The following F13A1 variants were observed in gnomAD, a reference collection of about 807,000 sequenced individuals.
F13A1 encodes the protein FSF, A subunit.
In F13A1, 47 loss-of-function variants were observed where a neutral mutation model predicts 80.1. The observed-to-expected ratio is 0.59, with a 90% CI of 0.46 to 0.75. The LOEUF is 0.75. Among genes scored for constraint, F13A1 ranks in the 30% least tolerant of loss-of-function variants. The pLI, the probability that F13A1 is intolerant of heterozygous loss-of-function variation, is 0.00. For synonymous variants in F13A1, 349 were observed against 344.9 expected (o/e 1.01, Z -0.13); for missense variants, 817 against 930.4 (o/e 0.88, Z 1.59).
In F13A1 at chr6:6,312,563, A is replaced by C. The variant is rs1244364187; in HGVS notation, c.130+5972T>G. ...CGTGGTGGCACGTGCCTGTAGTCCC[A>C]GCTACTCGGGAGGCTGAGGCAGGAG... On this transcript the variant is annotated intron_variant, in intron 2 of 14. Coordinates refer to ENST00000264870, the MANE Select transcript of F13A1 (RefSeq NM_000129.4). Among the ~76,000 whole-genome samples the C allele has an allele frequency of 1.7e-5, 2 of 120,662 alleles. 1 individual carries two copies. Among genetic ancestry groups the C allele is most frequent in the Non-Finnish European group, 3.4e-5 (2 of 58,992 alleles). The allele number at this position is 120,662 out of a possible 152,430, so 79.2% of individuals were successfully genotyped here.
At position 6,197,241 on chromosome 6, in the gene F13A1, G is replaced by T; in HGVS notation, c.1198C>A (p.Pro400Thr). The stretch of plus-strand genomic sequence containing the variant: ...GTTTTACCATCGCTATTTTCCTGGG[G>T]GGTGCTGTCCACAGCTTGCCAGCCT... Reference protein sequence around the residue: ...FGGWQAVDSTPQENSDGMYRC... With the variant: ...FGGWQAVDSTTQENSDGMYRC... Residue 400 changes from proline to threonine, a missense_variant, in exon 9 of 15, where the codon CCC (proline) becomes ACC (threonine). Pro to Thr is a conservative substitution (Grantham distance 38, BLOSUM62 -1). Coordinates refer to ENST00000264870, the MANE Select transcript of F13A1 (RefSeq NM_000129.4). The T allele has an allele frequency of 6.2e-7, 1 of 1,614,146 alleles. No individual in the cohort carries two copies. The highest frequency in any genetic ancestry group is 8.5e-7 in the Non-Finnish European group (1 of 1,180,018).
intron 6 of F13A1, among the ~76,000 whole-genome samples, chr6:6,244,175 T>C (rs1038496387): frequency 6.6e-6 from 1 of 152,202 alleles, no homozygotes. Flanking sequence ...ATTAATGCCA[T>C]GTGAGGGAAG....
At chr6:6,274,174 T>C (rs1757957259) in intron 3 of F13A1, among the ~76,000 whole-genome samples, 1 of 152,202 alleles carries the variant, frequency 6.6e-6, no homozygotes, top group Admixed American at 6.5e-5. Context: ...TTGTTTAACT[T>C]TGTATACCCA....
intron 6 of F13A1, among the ~76,000 whole-genome samples, chr6:6,244,402 G>A (rs929386020): frequency 1.3e-5 from 2 of 151,890 alleles, no homozygotes; most frequent in African/African-American, 2.4e-5. Context: ...AGTATAGCTT[G>A]GTAAAATGCA....
At chr6:6,242,711 C>A (rs1015441702) in intron 6 of F13A1, among the ~76,000 whole-genome samples, 4 of 152,098 alleles carry the variant, frequency 2.6e-5, no homozygotes, top group African/African-American at 9.7e-5. Context: ...AGCAAATAAC[C>A]CTCTACTACA....
chr6:6,202,790 T>G (rs994841181), intron 8 of F13A1, among the ~76,000 whole-genome samples: 1 of 152,224 alleles, frequency 6.6e-6, no homozygotes, highest in Non-Finnish European at 1.5e-5. Context: ...GTGTGTTCCG[T>G]GCAGTGACAG....
At chr6:6,313,281 T>C (rs895322733) in intron 2 of F13A1, among the ~76,000 whole-genome samples, 2 of 11,098 alleles carry the variant, frequency 1.8e-4, no homozygotes, top group South Asian at 2.1e-3. Flanking sequence ...CTAAGCCGCC[T>C]TTTTTTTTTT....
At chr6:6,217,643 C>A (rs1294177331) in intron 8 of F13A1, among the ~76,000 whole-genome samples, 2 of 151,458 alleles carry the variant, frequency 1.3e-5, no homozygotes, top group African/African-American at 4.9e-5. Flanking sequence ...CTAACCTGCA[C>A]GTTGTGCACA....
intron 13 of F13A1, among the ~76,000 whole-genome samples, chr6:6,163,384 A>T (rs1408321056): frequency 5.3e-5 from 8 of 152,150 alleles, no homozygotes; most frequent in African/African-American, 1.9e-4. Flanking sequence ...GGTTTGTTAT[A>T]TAGGTAAACT....
intron 10 of F13A1, among the ~76,000 whole-genome samples, chr6:6,184,394 C>G (rs1002189083): frequency 6.6e-6 from 1 of 152,218 alleles, no homozygotes; most frequent in African/African-American, 2.4e-5. Context: ...TCCACACTTG[C>G]GGCTCAGATT....
chr6:6,171,548 C>G (rs1455189528), intron 12 of F13A1, among the ~76,000 whole-genome samples: 1 of 151,736 alleles, frequency 6.6e-6, no homozygotes, highest in Non-Finnish European at 1.5e-5. Context: ...TGCTATCAAC[C>G]CCTTTCAGTG....
intron 2 of F13A1, among the ~76,000 whole-genome samples, chr6:6,312,472 C>A (rs1758617344): frequency 1.3e-5 from 1 of 78,820 alleles, no homozygotes; most frequent in African/African-American, 6.4e-5. Context: ...GAGATGGAGA[C>A]CATCTTGGCC....
At chr6:6,223,766 T>C (rs981019393) in intron 7 of F13A1, among the ~76,000 whole-genome samples, 1 of 152,154 alleles carries the variant, frequency 6.6e-6, no homozygotes, top group African/African-American at 2.4e-5. Flanking sequence ...ATCATTTTTT[T>C]AAATGACCTC....
chr6:6,166,062 C>T (rs1331564430), intron 13 of F13A1, among the ~76,000 whole-genome samples: 5 of 152,222 alleles, frequency 3.3e-5, no homozygotes, highest in Admixed American at 1.3e-4. Context: ...ACCATAAGAA[C>T]GTTCAGTTGA....
intron 8 of F13A1, among the ~76,000 whole-genome samples, chr6:6,219,642 G>A (rs992295012): frequency 1.3e-5 from 2 of 152,128 alleles, no homozygotes; most frequent in African/African-American, 4.8e-5. Flanking sequence ...TCTGTCTGGG[G>A]ACAGCCCGCA....
chr6:6,174,437 G>A, intron 12 of F13A1, 143 bp downstream of exon 12: 1 of 879,886 alleles, frequency 1.1e-6, no homozygotes, highest in Non-Finnish European at 1.9e-6. Flanking sequence ...TGCAGAATGA[G>A]TGGGTTCTCC....
intron 14 of F13A1, among the ~76,000 whole-genome samples, chr6:6,149,449 T>A (rs1244519876): frequency 1.3e-5 from 2 of 152,206 alleles, no homozygotes; most frequent in African/African-American, 4.8e-5. Flanking sequence ...TCCAGTGTGA[T>A]ACCATTTAGC....
intron 8 of F13A1, among the ~76,000 whole-genome samples, chr6:6,216,588 A>G (rs1449689974): frequency 6.7e-6 from 1 of 149,890 alleles, no homozygotes; most frequent in Non-Finnish European, 1.5e-5. Flanking sequence ...AAGAAAACCT[A>G]GGCAATACCA....
chr6:6,182,543 G>C (rs1053015300), intron 10 of F13A1, among the ~76,000 whole-genome samples: 2 of 152,146 alleles, frequency 1.3e-5, no homozygotes, highest in Admixed American at 6.5e-5. Flanking sequence ...AAGTCTGCTA[G>C]GTGGCTTCTG....
Sources: allele counts gnomAD v4.1 joint callset (sites outside exome capture counted in the v4.1 genomes callset), GRCh38; gene constraint gnomAD v4.1.1; transcripts MANE v1.5; gene names NCBI Gene and HGNC (gene_info 2026-07-23, HGNC 2026-07-21).